Variants in KCNH1 observed in about 807,000 individuals in gnomAD.
KCNH1 encodes potassium voltage-gated channel subfamily H member 1, also known as voltage-gated delayed rectifier potassium channel KCNH1.
Under a neutral mutation model 69.2 loss-of-function variants are expected in KCNH1, and 27 were observed. That is an observed-to-expected ratio of 0.39 (90% CI 0.29 to 0.54). The LOEUF (loss-of-function observed/expected upper bound fraction) is 0.54. KCNH1 is among the 20% of genes least tolerant of loss of function. KCNH1 has a pLI of 0.68. For missense variants in KCNH1, 798 were observed against 1,261.6 expected (o/e 0.63, Z 5.57); for synonymous variants, 456 against 487.7 (o/e 0.93, Z 0.86).
intron 7 of KCNH1, among the ~76,000 whole-genome samples, chr1:210,896,434 A>G (rs1194885710): frequency 5.3e-5 from 8 of 152,234 alleles, no homozygotes; most frequent in Non-Finnish European, 8.8e-5. Context: ...TAGACGTAAC[A>G]TCAAAGAATG....
intron 10 of KCNH1, among the ~76,000 whole-genome samples, chr1:210,718,952 C>T (rs1406415889): frequency 1.3e-5 from 2 of 151,932 alleles, no homozygotes; most frequent in Non-Finnish European, 2.9e-5. Flanking sequence ...AATCAAAAAC[C>T]ATTTTCAGAT....
intron 1 of KCNH1, among the ~76,000 whole-genome samples, chr1:211,128,282 C>CAA (rs374161835): frequency 5.5e-4 from 30 of 54,802 alleles, no homozygotes; most frequent in Admixed American, 1.5e-3. Flanking sequence ...GATTCTGTCT[C>CAA]AAAAAAAAAA....
intron 10 of KCNH1, among the ~76,000 whole-genome samples, chr1:210,748,413 C>G (rs755001722): frequency 3.9e-5 from 6 of 152,164 alleles, no homozygotes; most frequent in Non-Finnish European, 7.4e-5. Context: ...TGACAGAACT[C>G]CCAAACCATA....
In KCNH1 at chr1:210,804,174, TGAG is replaced by T. The variant is rs1472509818; in HGVS notation, c.1463-11_1463-9del. 5 of 1,604,262 alleles carry T rather than the reference TGAG, an allele frequency of 3.1e-6. No homozygotes were observed. The highest frequency in any genetic ancestry group is 4.3e-6 in the Non-Finnish European group (5 of 1,174,628). On this transcript the variant is annotated splice_polypyrimidine_tract_variant and intron_variant, in intron 7 of 10. Coordinates refer to ENST00000271751, the MANE Select transcript of KCNH1 (RefSeq NM_172362.3). Reference sequence around the variant, plus strand: ...TGGTGGCATAGAGAAGTGCTAGAGGTGAGGAGGAGGAGCAAAAGAAGAAATAAC... The same window carrying T: ...TGGTGGCATAGAGAAGTGCTAGAGGTGAGGAGGAGCAAAAGAAGAAATAAC...
chr1:211,117,172 T>G (rs1558612103), intron 1 of KCNH1, among the ~76,000 whole-genome samples: 1 of 152,184 alleles, frequency 6.6e-6, no homozygotes, highest in African/African-American at 2.4e-5. Context: ...TTCACTGTCT[T>G]TCTTTTGTGT....
chr1:210,730,640 G>A (rs1682723715), intron 10 of KCNH1, among the ~76,000 whole-genome samples: 1 of 151,930 alleles, frequency 6.6e-6, no homozygotes, highest in Non-Finnish European at 1.5e-5. Flanking sequence ...AAGATGGGGT[G>A]GGTGGGGGTG....
At chr1:210,781,919 C>A (rs1310313837) in intron 9 of KCNH1, among the ~76,000 whole-genome samples, 2 of 152,198 alleles carry the variant, frequency 1.3e-5, no homozygotes, top group Non-Finnish European at 2.9e-5. Flanking sequence ...TACTCCCTGC[C>A]CTCCAGTCAC....
intron 7 of KCNH1, among the ~76,000 whole-genome samples, chr1:210,884,695 C>G (rs1686565863): frequency 1.3e-5 from 2 of 152,198 alleles, no homozygotes; most frequent in African/African-American, 4.8e-5. Context: ...ACCATACTTG[C>G]TTCAGAGAGG....
At chr1:210,865,283 C>A (rs1465237155) in intron 7 of KCNH1, among the ~76,000 whole-genome samples, 1 of 152,140 alleles carries the variant, frequency 6.6e-6, no homozygotes, top group East Asian at 1.9e-4. Flanking sequence ...TTAATTCAGT[C>A]CTTACAATAA....
At chr1:210,947,157 T>TA (rs1002541019) in intron 6 of KCNH1, among the ~76,000 whole-genome samples, 2 of 152,168 alleles carry the variant, frequency 1.3e-5, no homozygotes, top group Non-Finnish European at 2.9e-5. Flanking sequence ...GATCGACCTC[T>TA]AAAGAGACAG....
At chr1:211,005,031 C>T (rs1006048977) in intron 6 of KCNH1, among the ~76,000 whole-genome samples, 4 of 151,332 alleles carry the variant, frequency 2.6e-5, no homozygotes, top group South Asian at 4.2e-4. Flanking sequence ...GAAGAAAGAG[C>T]GAATAAGAGA....
At chr1:210,752,184 A>G (rs947469663) in intron 10 of KCNH1, among the ~76,000 whole-genome samples, 2 of 152,240 alleles carry the variant, frequency 1.3e-5, no homozygotes, top group Admixed American at 6.5e-5. Context: ...ATTTTACTCC[A>G]AGGCTGTAAG....
At position 211,082,900 on chromosome 1, in the gene KCNH1, T is replaced by A; in HGVS notation, c.440-2A>T. The A allele has an allele frequency of 6.2e-7, 1 of 1,612,134 alleles. No individual in the cohort carries two copies. Among genetic ancestry groups the A allele is most frequent in the Non-Finnish European group, 8.5e-7 (1 of 1,178,686 alleles). ...TCAGCCGAGCAAACTTCCCCCAGCC[T>A]GAAGCAAGTGGAAGAGTGAAAAGAC... On this transcript the variant is annotated splice_acceptor_variant, in intron 4 of 10. Transcript: ENST00000271751. LOFTEE classifies it high-confidence loss of function.
chr1:210,758,586 G>C (rs2102347454), intron 10 of KCNH1, among the ~76,000 whole-genome samples: 1 of 152,306 alleles, frequency 6.6e-6, no homozygotes, highest in South Asian at 2.1e-4. Flanking sequence ...AAAGAAGGGA[G>C]AATCACAGCC....
chr1:210,810,879 T>C (rs1574270575), intron 7 of KCNH1, among the ~76,000 whole-genome samples: 1 of 152,200 alleles, frequency 6.6e-6, no homozygotes, highest in East Asian at 1.9e-4. Flanking sequence ...AGTGGGGCCC[T>C]AGAAAACTGA....
intron 6 of KCNH1, among the ~76,000 whole-genome samples, chr1:210,968,618 GTGATGA>G (rs1688454128): frequency 6.6e-6 from 1 of 151,682 alleles, no homozygotes; most frequent in South Asian, 2.1e-4. Context: ...CTGATGGCCA[GTGATGA>G]TGAGCATTTT....
chr1:210,886,427 C>G (rs112233379), intron 7 of KCNH1, among the ~76,000 whole-genome samples: 1 of 152,074 alleles, frequency 6.6e-6, no homozygotes, highest in Non-Finnish European at 1.5e-5. Context: ...GAAAAACCCA[C>G]GAAGATGAGG....
chr1:211,010,981 T>G (rs1689380422), intron 6 of KCNH1, among the ~76,000 whole-genome samples: 1 of 151,922 alleles, frequency 6.6e-6, no homozygotes, highest in Non-Finnish European at 1.5e-5. Flanking sequence ...AGTGCTAAAC[T>G]CTTTTTTTTT....
chr1:211,074,051 G>A (rs1168121658), intron 5 of KCNH1, among the ~76,000 whole-genome samples: 1 of 140,876 alleles, frequency 7.1e-6, no homozygotes, highest in Non-Finnish European at 1.5e-5. Context: ...TGCCAGACCA[G>A]TAGACTAAAA....
Sources: gnomAD v4.1 joint callset for allele counts (sites outside exome capture counted in the v4.1 genomes callset) on GRCh38, gnomAD v4.1.1 for gene constraint, MANE v1.5 for transcripts, NCBI Gene and HGNC (gene_info 2026-07-23, HGNC 2026-07-21) for gene names.